Variants in GPR83 observed in about 807,000 individuals in gnomAD.
GPR83 encodes G-protein coupled receptor 72.
GPR83 carries 23 observed loss-of-function variants against 28.0 expected under a neutral mutation model. That is an observed-to-expected ratio of 0.82 (90% CI 0.59 to 1.16). The LOEUF is 1.16. GPR83 is among the 50% of genes most tolerant of loss of function. GPR83 has a pLI of 0.00. For synonymous variants in GPR83, 234 were observed against 215.4 expected (o/e 1.09, Z -0.76); for missense variants, 610 against 536.6 (o/e 1.14, Z -1.35).
intron 1 of GPR83, among the ~76,000 whole-genome samples, chr11:94,397,087 T>C (rs1024142399): frequency 6.6e-6 from 1 of 152,170 alleles, no homozygotes; most frequent in South Asian, 2.1e-4. Flanking sequence ...TGTCACAACA[T>C]AGCATGTGGG....
chr11:94,393,727 G>T, intron 2 of GPR83, 109 bp from the exon 3 acceptor site: 1 of 934,520 alleles, frequency 1.1e-6, no homozygotes, highest in South Asian at 1.6e-5. Flanking sequence ...TTGGGAGTCT[G>T]AGGCAGAAGG....
intron 3 of GPR83, among the ~76,000 whole-genome samples, chr11:94,393,255 C>T (rs972302180): frequency 6.6e-6 from 1 of 151,970 alleles, no homozygotes; most frequent in Non-Finnish European, 1.5e-5. Flanking sequence ...GCAGAGAACC[C>T]GGAAAGAGAA....
intron 1 of GPR83, 114 bp from the exon 2 acceptor site, chr11:94,396,638 T>C (rs1260126437): frequency 4.9e-5 from 49 of 1,006,116 alleles, no homozygotes; most frequent in Non-Finnish European, 7.4e-5. Flanking sequence ...CCTCCCTTCT[T>C]TCTGTCTATG....
At chr11:94,382,114 A>G (rs1428284088) in intron 3 of GPR83, among the ~76,000 whole-genome samples, 2 of 152,156 alleles carry the variant, frequency 1.3e-5, no homozygotes, top group Non-Finnish European at 2.9e-5. Flanking sequence ...GCACTTTGTG[A>G]GGCCGAGATG....
In GPR83 at chr11:94,400,977, G is replaced by T. The variant is rs1259684942; in HGVS notation, c.271C>A (p.Leu91Met). 1.9e-6 allele frequency: 3 copies of T among 1,614,146 alleles called. No homozygotes were observed. In the East Asian group the frequency reaches 6.7e-5, roughly 36 times the overall value. The change falls in exon 1 of 4, where the codon CTG becomes ATG. Residue 91 changes from leucine to methionine, a missense_variant. Leu to Met is a conservative substitution (Grantham distance 15, BLOSUM62 2). Coordinates refer to ENST00000243673, the MANE Select transcript of GPR83 (RefSeq NM_016540.4). Reference protein sequence around the residue: ...IIVFSLFGNVLVCHVIFKNQR... With the variant: ...IIVFSLFGNVMVCHVIFKNQR... ...TTCTTGAAGATGACATGACAGACCA[G>T]GACGTTGCCAAAGAGTGAGAAGACA...
rs1299669721 is a variant in GPR83 at position 94,380,217 on chromosome 11, G to T, written c.1204C>A (p.Pro402Thr). The T allele has an allele frequency of 6.6e-7, 1 of 1,523,292 alleles. No homozygotes were observed. The highest frequency in any genetic ancestry group is 2.2e-5 in the Admixed American group (1 of 45,162). 94.4% of individuals were successfully genotyped at this position (1,523,292 alleles called of 1,614,324 possible). A position where few individuals can be genotyped will look rare whatever the true frequency, so the allele number is the denominator to read the frequency against. Residue 402 changes from proline (P) to threonine (T), a missense_variant, in exon 4 of 4, where the codon CCC (proline) becomes ACC (threonine). Transcript: ENST00000243673. The stretch of plus-strand genomic sequence containing the variant: ...TTCCCAGACTGGAGTTGGGAGGTGG[G>T]CAGGAGGTTATTGGCAAGGGGAGCC... ...QRAPLANNLL[P>T]TSQLQSGKTD...
rs896374426 is a variant in GPR83 at position 94,401,384 on chromosome 11, G to A, written c.-137C>T. The A allele has an allele frequency of 2.6e-6, 2 of 767,652 alleles. No individual in the cohort carries two copies. Among genetic ancestry groups the A allele is most frequent in the South Asian group, 2.5e-5 (1 of 39,632 alleles). The allele number at this position is 767,652 out of a possible 1,614,324, so 47.6% of individuals were successfully genotyped here. A position where few individuals can be genotyped will look rare whatever the true frequency, so the allele number is the denominator to read the frequency against. On this transcript the variant is annotated 5_prime_UTR_variant, in exon 1 of 4. Coordinates refer to ENST00000243673, the MANE Select transcript of GPR83 (RefSeq NM_016540.4). The stretch of plus-strand genomic sequence containing the variant: ...GAGCCAGGGAGCCCGGACGCGCGGA[G>A]CACCGCGCCGCCCGCCACCAGCCCG...
chr11:94,395,524 C>T (rs762269593), intron 2 of GPR83, among the ~76,000 whole-genome samples: 5 of 152,166 alleles, frequency 3.3e-5, no homozygotes, highest in Non-Finnish European at 5.9e-5. Flanking sequence ...CACATGATCT[C>T]GGAAAAGCTA....
At position 94,380,788 on chromosome 11, in the gene GPR83, T is replaced by A; in HGVS notation, c.648-15A>T. 1 of 1,582,642 alleles carries A rather than the reference T, an allele frequency of 6.3e-7. No individual in the cohort carries two copies. Among genetic ancestry groups the A allele is most frequent in the Non-Finnish European group, 8.6e-7 (1 of 1,163,626 alleles). On this transcript the variant is annotated splice_polypyrimidine_tract_variant and intron_variant, in intron 3 of 3. Transcript: ENST00000243673. ...CAATGTCCTCACTGGGGGCAGGAAG[T>A]GGGGAGGGGGAGAGAGGTAACAGAA...
chr11:94,395,092 G>T (rs1944853610), intron 2 of GPR83, among the ~76,000 whole-genome samples: 1 of 152,154 alleles, frequency 6.6e-6, no homozygotes, highest in South Asian at 2.1e-4. Flanking sequence ...ACAAAATTCT[G>T]GCATTTCAGA....
At chr11:94,385,686 T>C (rs549291234) in intron 3 of GPR83, among the ~76,000 whole-genome samples, 20 of 152,106 alleles carry the variant, frequency 1.3e-4, no homozygotes, top group Non-Finnish European at 2.2e-4. Context: ...CTCCAAGAAA[T>C]ATGGGACTAT....
chr11:94,377,730 T>G lies in GPR83; in HGVS notation c.*2419A>C, dbSNP rs1419929740. The G allele has an allele frequency of 1.3e-5, 2 of 152,244 alleles. No individual in the cohort carries two copies. Among genetic ancestry groups the G allele is most frequent in the Non-Finnish European group, 2.9e-5 (2 of 68,046 alleles). 9.4% of individuals were successfully genotyped at this position (152,244 alleles called of 1,614,324 possible). A position where few individuals can be genotyped will look rare whatever the true frequency, so the allele number is the denominator to read the frequency against. Reference sequence around the variant, plus strand: ...GAAGATAGGCTTTGTGTTAAATGATTTTTCCCAGCTGTAGGCTAATATAAG... The same window carrying G: ...GAAGATAGGCTTTGTGTTAAATGATGTTTCCCAGCTGTAGGCTAATATAAG... On this transcript the variant is annotated 3_prime_UTR_variant, in exon 4 of 4. Coordinates refer to ENST00000243673, the MANE Select transcript of GPR83 (RefSeq NM_016540.4).
At chr11:94,394,222 G>A (rs1944844949) in intron 2 of GPR83, among the ~76,000 whole-genome samples, 1 of 152,136 alleles carries the variant, frequency 6.6e-6, no homozygotes, top group Admixed American at 6.5e-5. Context: ...AGATTATGAT[G>A]GACTCTGAGA....
At chr11:94,389,172 T>C (rs1944789477) in intron 3 of GPR83, among the ~76,000 whole-genome samples, 1 of 152,104 alleles carries the variant, frequency 6.6e-6, no homozygotes, top group Admixed American at 6.5e-5. Flanking sequence ...CAAAAATTAA[T>C]TCAAGATGGA....
intron 3 of GPR83, among the ~76,000 whole-genome samples, chr11:94,383,001 AAAAATAC>A: frequency 6.6e-6 from 1 of 151,402 alleles, no homozygotes; most frequent in Admixed American, 6.6e-5. Context: ...TGTCTCTACT[AAAAATAC>A]AAAAAAAAAA....
In GPR83 at chr11:94,395,351, G is replaced by A. The variant is rs984889689; in HGVS notation, c.513+1048C>T. ...CCCGTGGTCCTTGCTGCATCTCATGGTGCTACTCAGAATAAATCTCATCTT... is the reference window on the plus strand; with the variant it reads ...CCCGTGGTCCTTGCTGCATCTCATGATGCTACTCAGAATAAATCTCATCTT... On this transcript the variant is annotated intron_variant, in intron 2 of 3. Transcript: ENST00000243673. 2.0e-5 allele frequency among the ~76,000 whole-genome samples: 3 copies of A among 152,130 alleles called. No individual in the cohort carries two copies. In the East Asian group the frequency reaches 5.8e-4, roughly 29 times the overall value.
At chr11:94,384,695 G>A (rs376526251) in intron 3 of GPR83, among the ~76,000 whole-genome samples, 15 of 152,326 alleles carry the variant, frequency 9.8e-5, no homozygotes, top group African/African-American at 2.6e-4. Context: ...TAAACAAAGC[G>A]GCCAGGAAGC....
At chr11:94,386,171 C>T (rs1170339765) in intron 3 of GPR83, among the ~76,000 whole-genome samples, 2 of 152,122 alleles carry the variant, frequency 1.3e-5, no homozygotes, top group East Asian at 3.9e-4. Context: ...CACCACCAGG[C>T]CTGCCCTACA....
chr11:94,396,569 T>C, intron 1 of GPR83, 45 bp from the exon 2 acceptor site: 2 of 1,601,924 alleles, frequency 1.2e-6, no homozygotes, highest in Non-Finnish European at 1.7e-6. Flanking sequence ...AGGCCTTGAC[T>C]TTGACACCCA....
Sources: allele counts gnomAD v4.1 joint callset (sites outside exome capture counted in the v4.1 genomes callset), GRCh38; gene constraint gnomAD v4.1.1; transcripts MANE v1.5; gene names NCBI Gene and HGNC (gene_info 2026-07-23, HGNC 2026-07-21).